ZCCHC7: variants seen among roughly 807,000 people sequenced by gnomAD.
ZCCHC7 encodes zinc finger CCHC-type containing 7, also known as zinc finger CCHC domain-containing protein 7.
Under a neutral mutation model 52.0 loss-of-function variants are expected in ZCCHC7, and 35 were observed. That is an observed-to-expected ratio of 0.67 (90% confidence interval 0.51 to 0.89). The LOEUF is 0.89. Among genes scored for constraint, ZCCHC7 ranks in the 40% least tolerant of loss-of-function variants. ZCCHC7 has a pLI of 0.00. For missense variants in ZCCHC7, 574 were observed against 649.1 expected (o/e 0.88, Z 1.26); for synonymous variants, 217 against 221.5 (o/e 0.98, Z 0.18).
At chr9:37,258,592 C>T (rs1291643150) in intron 2 of ZCCHC7, among the ~76,000 whole-genome samples, 1 of 151,262 alleles carries the variant, frequency 6.6e-6, no homozygotes, top group Non-Finnish European at 1.5e-5. Flanking sequence ...CCCAGCTCTA[C>T]AAAAAATACA....
intron 2 of ZCCHC7, among the ~76,000 whole-genome samples, chr9:37,232,760 A>G (rs1288118043): frequency 6.6e-6 from 1 of 152,244 alleles, no homozygotes; most frequent in Non-Finnish European, 1.5e-5. Flanking sequence ...ACACATAAAG[A>G]GATAAAGAAA....
intron 2 of ZCCHC7, among the ~76,000 whole-genome samples, chr9:37,288,790 G>A (rs1828387213): frequency 6.6e-6 from 1 of 152,140 alleles, no homozygotes; most frequent in South Asian, 2.1e-4. Flanking sequence ...CCCCCACCAA[G>A]TTTCCTCTCA....
At chr9:37,306,758 C>T (rs1341619893) in intron 5 of ZCCHC7, among the ~76,000 whole-genome samples, 6 of 104,250 alleles carry the variant, frequency 5.8e-5, no homozygotes, top group South Asian at 3.5e-4. Flanking sequence ...CCACTGTACC[C>T]GACCTTTTTT....
At chr9:37,123,232 C>CGT (rs1414316782) in intron 1 of ZCCHC7, among the ~76,000 whole-genome samples, 1 of 123,426 alleles carries the variant, frequency 8.1e-6, no homozygotes, top group Admixed American at 7.9e-5. Context: ...TGTGCGTGTG[C>CGT]GTGTGTGTGT....
intron 2 of ZCCHC7, among the ~76,000 whole-genome samples, chr9:37,301,426 G>A (rs1829026127): frequency 6.6e-6 from 1 of 152,096 alleles, no homozygotes; most frequent in Non-Finnish European, 1.5e-5. Context: ...GTGAAACCCT[G>A]TCTCTACCAA....
At chr9:37,306,795 TTTTTTTTTTG>T in intron 5 of ZCCHC7, among the ~76,000 whole-genome samples, 1 of 65,488 alleles carries the variant, frequency 1.5e-5, no homozygotes, top group African/African-American at 7.0e-5. Flanking sequence ...TTTTTTTTTT[TTTTTTTTTTG>T]GAGACAGGGT....
At chr9:37,283,513 AG>A (rs914465337) in intron 2 of ZCCHC7, among the ~76,000 whole-genome samples, 1 of 152,170 alleles carries the variant, frequency 6.6e-6, no homozygotes, top group African/African-American at 2.4e-5. Context: ...AAAGAATAAT[AG>A]GGGAGAATTT....
At chr9:37,185,183 A>G (rs959483099) in intron 2 of ZCCHC7, among the ~76,000 whole-genome samples, 1 of 152,154 alleles carries the variant, frequency 6.6e-6, no homozygotes, top group African/African-American at 2.4e-5. Flanking sequence ...ACAAGTAGTC[A>G]TGGTTTTTTA....
chr9:37,270,832 AG>A (rs1189323767), intron 2 of ZCCHC7, among the ~76,000 whole-genome samples: 1 of 150,836 alleles, frequency 6.6e-6, no homozygotes, highest in African/African-American at 2.4e-5. Context: ...GTAGTAGAAG[AG>A]GAGGAGCCAT....
chr9:37,351,127 C>G (rs1821350731), intron 7 of ZCCHC7, among the ~76,000 whole-genome samples: 1 of 152,060 alleles, frequency 6.6e-6, no homozygotes, highest in Non-Finnish European at 1.5e-5. Context: ...TAAAGTTTAT[C>G]TTCCATATTG....
intron 2 of ZCCHC7, among the ~76,000 whole-genome samples, chr9:37,150,894 G>C (rs949061083): frequency 2.0e-5 from 3 of 151,696 alleles, no homozygotes; most frequent in African/African-American, 7.3e-5. Flanking sequence ...TTCTGAGCAG[G>C]TGTTTTCTGT....
At chr9:37,228,437 C>T (rs2133298504) in intron 2 of ZCCHC7, among the ~76,000 whole-genome samples, 1 of 151,726 alleles carries the variant, frequency 6.6e-6, no homozygotes, top group South Asian at 2.1e-4. Context: ...GGCTGGAGTG[C>T]AGTGGCACAG....
chr9:37,181,984 C>T (rs1822381700), intron 2 of ZCCHC7, among the ~76,000 whole-genome samples: 1 of 152,064 alleles, frequency 6.6e-6, no homozygotes, highest in African/African-American at 2.4e-5. Flanking sequence ...GTGCCCAGCC[C>T]AAACAGATGA....
At position 37,357,109 on chromosome 9, in the gene ZCCHC7, T is replaced by G. The variant is rs1023455557; in HGVS notation, c.1473T>G (p.Pro491=). 6.2e-7 allele frequency: 1 copy of G among 1,613,614 alleles called. No homozygotes were observed. The highest frequency in any genetic ancestry group is 8.5e-7 in the Non-Finnish European group (1 of 1,179,964). Residue 491 remains proline (P), a synonymous_variant, in exon 9 of 9, where the codon CCT becomes CCG. Transcript: ENST00000336755. ...SSPGSFKTQK[P]SKPFHRSSHY... is the part of the protein sequence containing the mutation. ...CTGGCAGTTTTAAAACCCAGAAGCC[T>G]TCTAAGCCCTTTCACCGTTCATCAC...
At chr9:37,263,739 T>G (rs971982502) in intron 2 of ZCCHC7, among the ~76,000 whole-genome samples, 2 of 152,230 alleles carry the variant, frequency 1.3e-5, no homozygotes, top group Non-Finnish European at 2.9e-5. Flanking sequence ...TGGAAATTTC[T>G]TCTTGAGTTA....
At chr9:37,229,986 A>G (rs1357635401) in intron 2 of ZCCHC7, among the ~76,000 whole-genome samples, 2 of 152,166 alleles carry the variant, frequency 1.3e-5, no homozygotes, top group Non-Finnish European at 2.9e-5. Flanking sequence ...AGCACACATT[A>G]GCCTAGGCCT....
chr9:37,260,948 A>C (rs1826837815), intron 2 of ZCCHC7, among the ~76,000 whole-genome samples: 2 of 151,860 alleles, frequency 1.3e-5, no homozygotes, highest in Admixed American at 6.6e-5. Context: ...TTTAATTACC[A>C]CTTGGATTTT....
intron 2 of ZCCHC7, among the ~76,000 whole-genome samples, chr9:37,296,929 T>TGTG (rs1828816304): frequency 1.8e-5 from 1 of 55,042 alleles, no homozygotes; most frequent in African/African-American, 5.2e-5. Flanking sequence ...GTGTGTGTGT[T>TGTG]TCGTAGAGAT....
intron 2 of ZCCHC7, among the ~76,000 whole-genome samples, chr9:37,130,952 C>A (rs1446940208): frequency 6.6e-6 from 1 of 152,164 alleles, no homozygotes; most frequent in Admixed American, 6.5e-5. Flanking sequence ...TTTACTATTA[C>A]TAAATTTGTA....
Sources: allele counts gnomAD v4.1 joint callset (sites outside exome capture counted in the v4.1 genomes callset), GRCh38; gene constraint gnomAD v4.1.1; transcripts MANE v1.5; gene names NCBI Gene and HGNC (gene_info 2026-07-23, HGNC 2026-07-21).